RPS27L: variants seen among roughly 807,000 people sequenced by gnomAD.
RPS27L encodes the protein ribosomal protein eS27-like.
Under a neutral mutation model 12.8 loss-of-function variants are expected in RPS27L, and 10 were observed. The ratio of observed to expected loss-of-function variants is 0.78; its 90% CI spans 0.48 to 1.33. RPS27L has a LOEUF of 1.33. Among genes scored for constraint, RPS27L ranks in the 40% most tolerant of loss-of-function variants. The probability of loss-of-function intolerance (pLI) is 0.00; values close to 1 mark genes in which losing one functional copy is unlikely to be tolerated. For synonymous variants in RPS27L, 26 were observed against 32.3 expected, an observed-to-expected ratio of 0.81 and a Z score of 0.66; for missense variants, 81 against 97.4, an observed-to-expected ratio of 0.83 and a Z score of 0.71.
chr15:63,155,732 C>CT lies in RPS27L; in HGVS notation c.116-2dup. The CT allele has an allele frequency of 7.0e-7, 1 of 1,437,882 alleles. No individual in the cohort carries two copies. Among genetic ancestry groups the CT allele is most frequent in the Non-Finnish European group, 9.2e-7 (1 of 1,084,210 alleles). The allele number at this position is 1,437,882 out of a possible 1,614,324, so 89.1% of individuals were successfully genotyped here. ...AAAACCGTGGTGATCTTGTAGCAAC[C>CT]TAAAAAAAAAAAAAGGCAATGTTAA... On this transcript the variant is annotated splice_acceptor_variant, in intron 2 of 3. Coordinates refer to ENST00000330964, the MANE Select transcript of RPS27L (RefSeq NM_015920.4). LOFTEE classifies it high-confidence loss of function.
In RPS27L at chr15:63,148,405, C is replaced by T. The variant is rs1393711338; in HGVS notation, c.*5627G>A. Reference sequence around the variant, plus strand: ...ATTAATACAAAGACAAGATAAAGAACATAGAGTCATAATCTTACACAACCC... The same window carrying T: ...ATTAATACAAAGACAAGATAAAGAATATAGAGTCATAATCTTACACAACCC... On this transcript the variant is annotated 3_prime_UTR_variant, in exon 4 of 4. Transcript: ENST00000330964. The T allele has an allele frequency of 1.3e-5, 2 of 149,350 alleles. No homozygotes were observed. Among genetic ancestry groups the T allele is most frequent in the African/African-American group, 5.0e-5 (2 of 39,864 alleles). The allele number at this position is 149,350 out of a possible 1,614,324, so 9.3% of individuals were successfully genotyped here. A position where few individuals can be genotyped will look rare whatever the true frequency, so the allele number is the denominator to read the frequency against.
At position 63,154,066 on chromosome 15, in the gene RPS27L, A is replaced by G. The variant is rs372050523; in HGVS notation, c.227-6T>C. The G allele has an allele frequency of 2.4e-5, 39 of 1,605,912 alleles. No homozygotes were observed. The highest frequency in any genetic ancestry group is 3.1e-5 in the Non-Finnish European group (36 of 1,173,544). The stretch of plus-strand genomic sequence containing the variant: ...CTTTCTTCTAAATGAACACCCTGCA[A>G]AAGAATCATGAGAGTATATTAAACA... On this transcript the variant is annotated splice_region_variant and splice_polypyrimidine_tract_variant and intron_variant, in intron 3 of 3. Coordinates refer to ENST00000330964, the MANE Select transcript of RPS27L (RefSeq NM_015920.4).
In RPS27L at chr15:63,155,652, C is replaced by T. The variant is rs755116789; in HGVS notation, c.195G>A (p.Gln65=). The change falls in exon 3 of 4, where the codon CAG becomes CAA. Residue 65 remains glutamine (Q), a synonymous_variant. Coordinates refer to ENST00000330964, the MANE Select transcript of RPS27L (RefSeq NM_015920.4). ...LCVGCSTVLC[Q]PTGGKARLTE... ...TGAGTCTGGCCTTTCCTCCTGTAGGCTGGCACAACACTGTTGAACAACCTA... is the reference window on the plus strand; with the variant it reads ...TGAGTCTGGCCTTTCCTCCTGTAGGTTGGCACAACACTGTTGAACAACCTA... The T allele has an allele frequency of 6.3e-7, 1 of 1,592,762 alleles. No individual in the cohort carries two copies. The highest frequency in any genetic ancestry group is 8.6e-7 in the Non-Finnish European group (1 of 1,169,248).
rs905307097 is a variant in RPS27L, at chr15:63,151,969, C to A, written c.*2063G>T. ...AAAGGCACACACATTCCATTAGTAA[C>A]TGTGATGATTTAAGGATGAGATAAA... On this transcript the variant is annotated 3_prime_UTR_variant, in exon 4 of 4. Coordinates refer to ENST00000330964, the MANE Select transcript of RPS27L (RefSeq NM_015920.4). 1.3e-5 allele frequency: 2 copies of A among 152,212 alleles called. No homozygotes were observed. The highest frequency in any genetic ancestry group is 4.8e-5 in the African/African-American group (2 of 41,436). 9.4% of individuals were successfully genotyped at this position (152,212 alleles called of 1,614,324 possible).
rs909708154 is a variant in RPS27L at position 63,153,547 on chromosome 15, G to C, written c.*485C>G. ...AAAGGAATGAAAATAAAATATTTAGGGTTTCTACTCTTGAAAATGAGACAC... is the reference window on the plus strand; with the variant it reads ...AAAGGAATGAAAATAAAATATTTAGCGTTTCTACTCTTGAAAATGAGACAC... On this transcript the variant is annotated 3_prime_UTR_variant, in exon 4 of 4. Coordinates refer to ENST00000330964, the MANE Select transcript of RPS27L (RefSeq NM_015920.4). 1 of 152,554 alleles carries C rather than the reference G, an allele frequency of 6.6e-6. No individual in the cohort carries two copies. The highest frequency in any genetic ancestry group is 2.4e-5 in the African/African-American group (1 of 41,318). The allele number at this position is 152,554 out of a possible 1,614,324, so 9.5% of individuals were successfully genotyped here. A position where few individuals can be genotyped will look rare whatever the true frequency, so the allele number is the denominator to read the frequency against.
Position 63,149,058 on chromosome 15 carries a change from C to T in RPS27L, c.*4974G>A, listed in dbSNP as rs948955771. The T allele has an allele frequency of 6.6e-6, 1 of 151,892 alleles. No homozygotes were observed. The highest frequency in any genetic ancestry group is 1.5e-5 in the Non-Finnish European group (1 of 68,006). 9.4% of individuals were successfully genotyped at this position (151,892 alleles called of 1,614,324 possible). On this transcript the variant is annotated 3_prime_UTR_variant, in exon 4 of 4. Coordinates refer to ENST00000330964, the MANE Select transcript of RPS27L (RefSeq NM_015920.4). The stretch of plus-strand genomic sequence containing the variant: ...ATTTTTAGCAGAGACGCGGTTTCAT[C>T]ATGTTGGCCAGGATGGTCTCAATCT...
chr15:63,156,532 A>G lies in RPS27L; in HGVS notation c.7-11T>C. 6.7e-7 allele frequency: 1 copy of G among 1,499,852 alleles called. No individual in the cohort carries two copies. Among genetic ancestry groups the G allele is most frequent in the Non-Finnish European group, 9.3e-7 (1 of 1,080,680 alleles). 92.9% of individuals were successfully genotyped at this position (1,499,852 alleles called of 1,614,324 possible). ...TAAATCTCTAGCCAACTGAACAAAGAAGCATATTATTACTATTAGTTTTAA... is the reference window on the plus strand; with the variant it reads ...TAAATCTCTAGCCAACTGAACAAAGGAGCATATTATTACTATTAGTTTTAA... On this transcript the variant is annotated splice_polypyrimidine_tract_variant and intron_variant, in intron 1 of 3. Transcript: ENST00000330964.
intron 1 of RPS27L, 129 bp from the exon 2 acceptor site, chr15:63,156,650 A>G (rs1315482213): frequency 1.5e-6 from 1 of 686,350 alleles, no homozygotes. Flanking sequence ...GTCAGATAGT[A>G]AAGTTATTTT....
Position 63,157,382 on chromosome 15 carries a change from C to T in RPS27L, c.6+18G>A. The stretch of plus-strand genomic sequence containing the variant: ...AAGAAGCCCAAAACAAACCCGGAGC[C>T]CGATGTAAACAACTCACAGGCATGT... On this transcript the variant is annotated intron_variant, in intron 1 of 3. Coordinates refer to ENST00000330964, the MANE Select transcript of RPS27L (RefSeq NM_015920.4). 6.2e-7 allele frequency: 1 copy of T among 1,613,984 alleles called. No individual in the cohort carries two copies. Among genetic ancestry groups the T allele is most frequent in the East Asian group, 2.2e-5 (1 of 44,850 alleles).
chr15:63,154,336 G>GT (rs2037318781), intron 3 of RPS27L: 2 of 370,752 alleles, frequency 5.4e-6, no homozygotes, highest in Non-Finnish European at 9.6e-6. Context: ...AGTGAAGACT[G>GT]TTTCAAGCAA....
chr15:63,156,364 T>A (rs763394206), intron 2 of RPS27L, 49 bp downstream of exon 2: 2 of 967,266 alleles, frequency 2.1e-6, no homozygotes, highest in East Asian at 4.8e-5. Flanking sequence ...ACACTAGCAA[T>A]CCCTACAGAA....
intron 3 of RPS27L, chr15:63,154,703 C>T (rs2037320560): frequency 6.6e-6 from 1 of 152,086 alleles, no homozygotes; most frequent in Admixed American, 6.6e-5. Flanking sequence ...CCCAAAATAT[C>T]ACAAGCAAAT....
Position 63,148,852 on chromosome 15 carries a change from CTT to C in RPS27L, c.*5178_*5179del, listed in dbSNP as rs138519912. ...CAAACACCATGACCTGATGTCATTT[CTT>C]TTTTTTTTTTTTTTTTTTTTTTCTG... On this transcript the variant is annotated 3_prime_UTR_variant, in exon 4 of 4. Transcript: ENST00000330964. The C allele has an allele frequency of 0.15, 18,070 of 119,432 alleles. 1,481 individuals are homozygous for C. Among genetic ancestry groups the C allele is most frequent in the East Asian group, 0.49 (2,162 of 4,442 alleles). 7.4% of individuals were successfully genotyped at this position (119,432 alleles called of 1,614,324 possible).
Position 63,152,352 on chromosome 15 carries a change from A to G in RPS27L, c.*1680T>C, listed in dbSNP as rs184626598. 30 of 152,288 alleles carry G rather than the reference A, an allele frequency of 2.0e-4. 1 individual carries two copies. In the East Asian group the frequency reaches 5.8e-3, roughly 29 times the overall value. 9.4% of individuals were successfully genotyped at this position (152,288 alleles called of 1,614,324 possible). ...ATGGCTACTAGAGTTGTTAGAACAT[A>G]AGTTAATAAATGTAACTGTTAGGTA... On this transcript the variant is annotated 3_prime_UTR_variant, in exon 4 of 4. Transcript: ENST00000330964.
intron 3 of RPS27L, chr15:63,155,394 T>G (rs948817938): frequency 5.0e-6 from 2 of 400,924 alleles, no homozygotes; most frequent in African/African-American, 4.1e-5. Context: ...TTAAGCAAAC[T>G]AAGTGAATAA....
intron 1 of RPS27L, chr15:63,156,774 T>C: frequency 1.7e-6 from 1 of 589,152 alleles, no homozygotes; most frequent in East Asian, 2.9e-5. Flanking sequence ...AACTTTGTCC[T>C]TCTTTACTCA....
rs774173684 is a variant in RPS27L at position 63,150,641 on chromosome 15, C to CTTAT, written c.*3387_*3390dup. On this transcript the variant is annotated 3_prime_UTR_variant, in exon 4 of 4. Coordinates refer to ENST00000330964, the MANE Select transcript of RPS27L (RefSeq NM_015920.4). Reference sequence around the variant, plus strand: ...GCCAAGAATTTCATTTTATTTTTAGCTTATTTATTTTTTTCTTGAGCTGGA... The same window carrying CTTAT: ...GCCAAGAATTTCATTTTATTTTTAGCTTATTTATTTATTTTTTTCTTGAGCTGGA... 4 of 152,010 alleles carry CTTAT rather than the reference C, an allele frequency of 2.6e-5. No homozygotes were observed. The highest frequency in any genetic ancestry group is 9.7e-5 in the African/African-American group (4 of 41,392). 9.4% of individuals were successfully genotyped at this position (152,010 alleles called of 1,614,324 possible).
In RPS27L at chr15:63,152,372, T is replaced by C. The variant is rs904595938; in HGVS notation, c.*1660A>G. ...AACATAAGTTAATAAATGTAACTGT[T>C]AGGTATTTCTTTTGGCCAAGGAATG... is the stretch of plus-strand genomic sequence containing the variant. On this transcript the variant is annotated 3_prime_UTR_variant, in exon 4 of 4. Transcript: ENST00000330964. The C allele has an allele frequency of 6.6e-6, 1 of 152,144 alleles. No homozygotes were observed. The highest frequency in any genetic ancestry group is 1.5e-5 in the Non-Finnish European group (1 of 68,022). The allele number at this position is 152,144 out of a possible 1,614,324, so 9.4% of individuals were successfully genotyped here.
chr15:63,151,899 T>C lies in RPS27L; in HGVS notation c.*2133A>G, dbSNP rs553148342. 1 of 152,312 alleles carries C rather than the reference T, an allele frequency of 6.6e-6. No individual in the cohort carries two copies. The highest frequency in any genetic ancestry group is 2.1e-4 in the South Asian group (1 of 4,826). 9.4% of individuals were successfully genotyped at this position (152,312 alleles called of 1,614,324 possible). ...ATCAATGTGGAAGAAATAAGGACAA[T>C]GGTGTCCAATCTGATTTCAATTTTG... On this transcript the variant is annotated 3_prime_UTR_variant, in exon 4 of 4. Coordinates refer to ENST00000330964, the MANE Select transcript of RPS27L (RefSeq NM_015920.4).
Sources: gnomAD v4.1 joint callset for allele counts on GRCh38, gnomAD v4.1.1 for gene constraint, MANE v1.5 for transcripts, NCBI Gene and HGNC (gene_info 2026-07-23, HGNC 2026-07-21) for gene names.